The following KRT19 variants were observed in gnomAD, a reference collection of about 807,000 sequenced individuals.
KRT19 encodes the protein keratin 19, also known as keratin, type I cytoskeletal 19.
A neutral mutation model predicts 34.6 loss-of-function variants in KRT19; 21 were observed. That is an observed-to-expected ratio of 0.61 (90% CI 0.43 to 0.87). KRT19 has a LOEUF of 0.87. Ranked by LOEUF, KRT19 falls within the 40% of genes least tolerant of loss-of-function variation. The pLI is 0.00. For missense variants in KRT19, 514 were observed against 545.7 expected (o/e 0.94, Z 0.58); for synonymous variants, 240 against 245.8 (o/e 0.98, Z 0.22).
At position 41,524,908 on chromosome 17, in the gene KRT19, C is replaced by T. The variant is rs370517527; in HGVS notation, c.595G>A (p.Asp199Asn). 1.6e-5 allele frequency: 26 copies of T among 1,614,124 alleles called. No homozygotes were observed. The highest frequency in any genetic ancestry group is 1.7e-5 in the Admixed American group (1 of 60,016). Residue 199 changes from aspartate to asparagine, a missense_variant, in exon 3 of 6, where the codon GAC becomes AAC. Transcript: ENST00000361566. ...VLDELTLART[D>N]LEMQIEGLKE... Reference sequence around the variant, plus strand: ...AGGCCTTCGATCTGCATCTCCAGGTCGGTCCTGGCCAGGGTCAGCTCATCC... The same window carrying T: ...AGGCCTTCGATCTGCATCTCCAGGTTGGTCCTGGCCAGGGTCAGCTCATCC...
chr17:41,524,825 G>A lies in KRT19; in HGVS notation c.660+18C>T. ...GAGGTTAGGGAAGGATGGAAGAAAG[G>A]CCCAGCTTCAAACCCACCTCCTCAT... On this transcript the variant is annotated intron_variant, in intron 3 of 5. Transcript: ENST00000361566. 3 of 1,612,780 alleles carry A rather than the reference G, an allele frequency of 1.9e-6. No homozygotes were observed. Among genetic ancestry groups the A allele is most frequent in the South Asian group, 1.1e-5 (1 of 91,038 alleles).
rs144782689 is a variant in KRT19 at position 41,524,188 on chromosome 17, G to A, written c.903C>T (p.Arg301=). ...GCTCAATCTCAAGACCCTGAAGGGTGCGCCGCAGGTCAGTAACCTCGGACC... is the reference window on the plus strand; with the variant it reads ...GCTCAATCTCAAGACCCTGAAGGGTACGCCGCAGGTCAGTAACCTCGGACC... ...MSRSEVTDLR[R]TLQGLEIELQ... is the part of the protein sequence containing the mutation. The change falls in exon 5 of 6, where the codon CGC becomes CGT. Residue 301 remains arginine, a synonymous_variant. Coordinates refer to ENST00000361566, the MANE Select transcript of KRT19 (RefSeq NM_002276.5). 31 of 1,614,150 alleles carry A rather than the reference G, an allele frequency of 1.9e-5. No individual in the cohort carries two copies. In the African/African-American group the frequency reaches 3.7e-4, roughly 19 times the overall value.
At position 41,524,139 on chromosome 17, in the gene KRT19, A is replaced by T. The variant is rs754490167; in HGVS notation, c.948+4T>A. 6.2e-7 allele frequency: 1 copy of T among 1,613,304 alleles called. No individual in the cohort carries two copies. The highest frequency in any genetic ancestry group is 8.5e-7 in the Non-Finnish European group (1 of 1,179,624). ...GGAAGCGGCGGCGGTGGGGGGACAC[A>T]TACCATGCTCAGCTGTGACTGCAGC... On this transcript the variant is annotated splice_donor_region_variant and intron_variant, in intron 5 of 5. Transcript: ENST00000361566.
rs1316223565 is a variant in KRT19 at position 41,524,192 on chromosome 17, C to T, written c.899G>A (p.Arg300Gln). 1.2e-6 allele frequency: 2 copies of T among 1,614,122 alleles called. No individual in the cohort carries two copies. The highest frequency in any genetic ancestry group is 1.7e-5 in the Admixed American group (1 of 60,014). ...AATCTCAAGACCCTGAAGGGTGCGC[C>T]GCAGGTCAGTAACCTCGGACCTGCT... ...QMSRSEVTDL[R>Q]RTLQGLEIEL... Residue 300 changes from arginine to glutamine, a missense_variant, in exon 5 of 6, where the codon CGG (arginine) becomes CAG (glutamine). Arg to Gln is a conservative substitution (Grantham distance 43). Transcript: ENST00000361566.
At chr17:41,526,750 T>G (rs1905882109) in intron 1 of KRT19, among the ~76,000 whole-genome samples, 1 of 151,990 alleles carries the variant, frequency 6.6e-6, no homozygotes, top group South Asian at 2.1e-4. Context: ...TTTTGTATTT[T>G]TAGTAGAGAC....
Position 41,527,822 on chromosome 17 carries a change from GC to G in KRT19, c.420+5del, listed in dbSNP as rs751722812. On this transcript the variant is annotated splice_donor_5th_base_variant and intron_variant, in intron 1 of 5. Transcript: ENST00000361566. ...CTGCACTTCCCGCGGCCGGGCCTCC[GC>G]CCACCTTGTCCCGCAGGTCCTGGAT... 6.4e-7 allele frequency: 1 copy of G among 1,569,308 alleles called. No individual in the cohort carries two copies. Among genetic ancestry groups the G allele is most frequent in the South Asian group, 1.2e-5 (1 of 85,816 alleles).
intron 2 of KRT19, 31 bp downstream of exon 2, chr17:41,525,160 C>T: frequency 6.3e-7 from 1 of 1,590,094 alleles, no homozygotes; most frequent in Non-Finnish European, 8.6e-7. Flanking sequence ...CCAGTCCTGG[C>T]TTCTGCAGCC....
chr17:41,527,932 C>G lies in KRT19; in HGVS notation c.316G>C (p.Gly106Arg). The G allele has an allele frequency of 6.2e-7, 1 of 1,613,764 alleles. No homozygotes were observed. The highest frequency in any genetic ancestry group is 8.5e-7 in the Non-Finnish European group (1 of 1,179,906). ...TCGCGGATCTTCACCTCTAGCTCGC[C>G]GTTGGCCGCCTCCAGGGCGCGCACC... is the stretch of plus-strand genomic sequence containing the variant. ...DKVRALEAAN[G>R]ELEVKIRDWY... Residue 106 changes from glycine (G) to arginine (R), a missense_variant, in exon 1 of 6, where the codon GGC (glycine) becomes CGC (arginine). Transcript: ENST00000361566.
chr17:41,526,853 G>A (rs1332316550), intron 1 of KRT19, among the ~76,000 whole-genome samples: 4 of 152,140 alleles, frequency 2.6e-5, no homozygotes, highest in African/African-American at 7.2e-5. Context: ...GGTTACAGGC[G>A]TGAGCCACAG....
At chr17:41,526,560 T>C (rs1905871814) in intron 1 of KRT19, among the ~76,000 whole-genome samples, 3 of 120,042 alleles carry the variant, frequency 2.5e-5, no homozygotes, top group Admixed American at 9.6e-5. Flanking sequence ...CCAAGCTAAT[T>C]CCTTTTTTTT....
chr17:41,527,505 T>C (rs1397863904), intron 1 of KRT19, among the ~76,000 whole-genome samples: 1 of 152,150 alleles, frequency 6.6e-6, no homozygotes, highest in African/African-American at 2.4e-5. Context: ...CCGGGTCCCA[T>C]CTCCTCCCAC....
At chr17:41,527,775 C>T in intron 1 of KRT19, 53 bp downstream of exon 1, 2 of 1,511,784 alleles carry the variant, frequency 1.3e-6, no homozygotes, top group Non-Finnish European at 1.8e-6. Context: ...GCCCGCGGGG[C>T]TGGGTTTCCG....
chr17:41,524,263 T>C lies in KRT19; in HGVS notation c.828A>G (p.Glu276=). The C allele has an allele frequency of 9.9e-6, 16 of 1,613,932 alleles. No individual in the cohort carries two copies. The highest frequency in any genetic ancestry group is 1.3e-5 in the Non-Finnish European group (15 of 1,179,932). ...GGCCAGCGACCTCCCGGTTCAATTC[T>C]TCAGTCTGCAGAGAGAGGAAGAAGA... ...DAEAWFTSRT[E]ELNREVAGHT... is the part of the protein sequence containing the mutation. The change falls in exon 5 of 6, where the codon GAA becomes GAG. Residue 276 remains glutamate, a synonymous_variant. Transcript: ENST00000361566.
Position 41,523,834 on chromosome 17 carries a change from G to A in KRT19, c.1112C>T (p.Ser371Leu), listed in dbSNP as rs571985366. The A allele has an allele frequency of 3.6e-5, 58 of 1,613,934 alleles. No individual in the cohort carries two copies. Among genetic ancestry groups the A allele is most frequent in the Admixed American group, 2.8e-4 (17 of 60,022 alleles). ...GGTGGCAATCTCCTGCTCCAGCCGC[G>A]ACTTGATGTCCATGAGCCGCTGGTA... ...QEYQRLMDIKSRLEQEIATYR... is the reference protein window; with the variant it reads ...QEYQRLMDIKLRLEQEIATYR... Residue 371 changes from serine (S) to leucine (L), a missense_variant, in exon 6 of 6, where the codon TCG becomes TTG. By Grantham distance (145) the Ser-to-Leu change is moderately radical (BLOSUM62 -2). Coordinates refer to ENST00000361566, the MANE Select transcript of KRT19 (RefSeq NM_002276.5).
chr17:41,525,446 T>C, intron 1 of KRT19, 173 bp from the exon 2 acceptor site: 2 of 599,212 alleles, frequency 3.3e-6, no homozygotes, highest in Non-Finnish European at 6.0e-6. Context: ...TTGCAAACAG[T>C]CCATGCCCAG....
At position 41,527,876 on chromosome 17, in the gene KRT19, G is replaced by A; in HGVS notation, c.372C>T (p.Ser124=). The A allele has an allele frequency of 6.2e-7, 1 of 1,613,246 alleles. No homozygotes were observed. The highest frequency in any genetic ancestry group is 1.7e-5 in the Admixed American group (1 of 59,976). ...DWYQKQGPGP[S]RDYSHYYTTI... ...TCGTGTAGTAGTGGCTGTAGTCGCG[G>A]GAGGGCCCAGGCCCCTGCTTCTGGT... The change falls in exon 1 of 6, where the codon TCC becomes TCT. Residue 124 remains serine, a synonymous_variant. Transcript: ENST00000361566.
chr17:41,524,512 C>T lies in KRT19; in HGVS notation c.689G>A (p.Gly230Glu), dbSNP rs1470431614. 1 of 1,614,104 alleles carries T rather than the reference C, an allele frequency of 6.2e-7. No individual in the cohort carries two copies. Among genetic ancestry groups the T allele is most frequent in the Non-Finnish European group, 8.5e-7 (1 of 1,179,996 alleles). The change falls in exon 4 of 6, where the codon GGA becomes GAA. Residue 230 changes from glycine (G) to glutamate (E), a missense_variant. Transcript: ENST00000361566. ...ATCCACCTCCACACTGACCTGGCCT[C>T]CCACTTGGCCCCTCAGCGTACTGAT... ...EEISTLRGQV[G>E]GQVSVEVDSA...
chr17:41,525,599 T>C (rs929980422), intron 1 of KRT19: 10 of 302,994 alleles, frequency 3.3e-5, no homozygotes, highest in African/African-American at 2.2e-4. Flanking sequence ...AGATGGGGGG[T>C]AGATTTTGTC....
In KRT19 at chr17:41,523,674, C is replaced by G; in HGVS notation, c.*69G>C. On this transcript the variant is annotated 3_prime_UTR_variant, in exon 6 of 6. Transcript: ENST00000361566. ...AGGAGAAGAGCCGGGGGTAAGGGTC[C>G]CTTCCTTCCCATCCCTCTACCCAGA... 1 of 1,493,294 alleles carries G rather than the reference C, an allele frequency of 6.7e-7. No homozygotes were observed. Among genetic ancestry groups the G allele is most frequent in the Non-Finnish European group, 9.2e-7 (1 of 1,083,918 alleles). The allele number at this position is 1,493,294 out of a possible 1,614,324, so 92.5% of individuals were successfully genotyped here. A position where few individuals can be genotyped will look rare whatever the true frequency, so the allele number is the denominator to read the frequency against.
Sources: gnomAD v4.1 joint callset for allele counts (sites outside exome capture counted in the v4.1 genomes callset) on GRCh38, gnomAD v4.1.1 for gene constraint, MANE v1.5 for transcripts, NCBI Gene and HGNC (gene_info 2026-07-23, HGNC 2026-07-21) for gene names.